SGCD: variants seen among roughly 807,000 people sequenced by gnomAD.
SGCD encodes the protein sarcoglycan delta.
SGCD carries 18 observed loss-of-function variants against 36.6 expected under a neutral mutation model. The ratio of observed to expected loss-of-function variants is 0.49; its 90% CI spans 0.34 to 0.73. SGCD has a LOEUF of 0.73. SGCD is among the 30% of genes least tolerant of loss of function. The probability of loss-of-function intolerance (pLI) is 0.01; values close to 1 mark genes in which losing one functional copy is unlikely to be tolerated. For missense variants in SGCD, 387 were observed against 346.7 expected (o/e 1.12, Z -0.92); for synonymous variants, 133 against 130.6 (o/e 1.02, Z -0.12).
chr5:156,202,121 G>A (rs1415177277), intron 3 of SGCD, among the ~76,000 whole-genome samples: 1 of 152,172 alleles, frequency 6.6e-6, no homozygotes, highest in African/African-American at 2.4e-5. Context: ...TTTGTTGGAG[G>A]GAAGATAACC....
Position 156,246,129 on chromosome 5 carries a change from T to G in SGCD, c.-43-83405T>G, listed in dbSNP as rs558182822. Reference sequence around the variant, plus strand: ...GGTTTGTCTCTATTGTCTGTAAGAGTGAGGATTATCAGCTCCTTGCTGTTA... The same window carrying G: ...GGTTTGTCTCTATTGTCTGTAAGAGGGAGGATTATCAGCTCCTTGCTGTTA... On this transcript the variant is annotated intron_variant, in intron 3 of 9. Transcript: ENST00000517913. Among the ~76,000 whole-genome samples the G allele has an allele frequency of 2.0e-5, 3 of 152,258 alleles. No individual in the cohort carries two copies. The South Asian group carries it at 6.2e-4, about 32-fold the overall frequency.
At chr5:156,741,878 T>C (rs1756693203) in intron 7 of SGCD, among the ~76,000 whole-genome samples, 1 of 151,972 alleles carries the variant, frequency 6.6e-6, no homozygotes, top group Non-Finnish European at 1.5e-5. Context: ...TCAGGTTTTT[T>C]TTTTTTTCTT....
intron 3 of SGCD, among the ~76,000 whole-genome samples, chr5:156,409,676 G>A (rs1354695021): frequency 1.3e-5 from 2 of 152,030 alleles, no homozygotes; most frequent in African/African-American, 4.8e-5. Context: ...TTTCCTAATA[G>A]GTAATAGAAA....
chr5:155,920,299 G>A (rs891783889), intron 1 of SGCD, among the ~76,000 whole-genome samples: 1 of 152,174 alleles, frequency 6.6e-6, no homozygotes, highest in African/African-American at 2.4e-5. Context: ...AGACTGTGGG[G>A]AAGAAGTCAA....
chr5:156,691,349 C>A (rs542994211), intron 7 of SGCD, among the ~76,000 whole-genome samples: 2 of 151,842 alleles, frequency 1.3e-5, no homozygotes, highest in African/African-American at 4.8e-5. Context: ...GGCCATAGTG[C>A]GAGACTCAAT....
intron 3 of SGCD, among the ~76,000 whole-genome samples, chr5:156,308,052 A>C (rs922271062): frequency 1.3e-5 from 2 of 152,188 alleles, no homozygotes; most frequent in Non-Finnish European, 2.9e-5. Flanking sequence ...AACTTTCCTA[A>C]TTTCCCTTGT....
At chr5:155,780,098 A>G in the SGCD span, among the ~76,000 whole-genome samples, 2 of 152,172 alleles carry the variant, frequency 1.3e-5, no homozygotes, top group Admixed American at 6.5e-5. Flanking sequence ...GATTTGGATG[A>G]TACGTCCATT....
At chr5:156,155,901 C>A (rs1021562537) in intron 3 of SGCD, among the ~76,000 whole-genome samples, 5 of 151,726 alleles carry the variant, frequency 3.3e-5, no homozygotes, top group African/African-American at 4.9e-5. Context: ...ACAGGCAGCA[C>A]ACCTCTGAGA....
At chr5:156,266,200 A>T (rs946453655) in intron 3 of SGCD, among the ~76,000 whole-genome samples, 1 of 152,238 alleles carries the variant, frequency 6.6e-6, no homozygotes, top group African/African-American at 2.4e-5. Flanking sequence ...GTAGTGCTGG[A>T]TAGGCTATTG....
intron 3 of SGCD, among the ~76,000 whole-genome samples, chr5:156,239,869 A>G (rs933472074): frequency 2.0e-5 from 3 of 152,102 alleles, no homozygotes; most frequent in Non-Finnish European, 2.9e-5. Context: ...AACAAAAACT[A>G]CTCTAGTAGT....
chr5:156,087,554 C>T (rs930457813), intron 1 of SGCD, among the ~76,000 whole-genome samples: 3 of 149,852 alleles, frequency 2.0e-5, no homozygotes, highest in Middle Eastern at 3.4e-3. Flanking sequence ...GCAGGAGAAT[C>T]GCTTGAACCT....
chr5:156,625,718 T>C (rs1246198855), intron 6 of SGCD, among the ~76,000 whole-genome samples: 1 of 152,198 alleles, frequency 6.6e-6, no homozygotes, highest in African/African-American at 2.4e-5. Context: ...GAGCACCTAT[T>C]ATGTGCAATC....
chr5:156,421,043 T>A (rs1478024884), intron 3 of SGCD, among the ~76,000 whole-genome samples: 1 of 152,030 alleles, frequency 6.6e-6, no homozygotes, highest in African/African-American at 2.4e-5. Context: ...TTAAATCAAA[T>A]GCTTATTTAG....
intron 3 of SGCD, among the ~76,000 whole-genome samples, chr5:156,500,775 G>A (rs994188064): frequency 3.9e-5 from 6 of 152,200 alleles, no homozygotes; most frequent in Non-Finnish European, 5.9e-5. Flanking sequence ...GCATGGGGCG[G>A]ATCCTGGAAC....
At chr5:155,734,845 A>C in the SGCD span, among the ~76,000 whole-genome samples, 1 of 152,152 alleles carries the variant, frequency 6.6e-6, no homozygotes, top group Non-Finnish European at 1.5e-5. Context: ...CTCAGCATAG[A>C]TATTGCTTCT....
chr5:156,001,726 A>T (rs1758668019), intron 1 of SGCD, among the ~76,000 whole-genome samples: 1 of 152,238 alleles, frequency 6.6e-6, no homozygotes, highest in Non-Finnish European at 1.5e-5. Context: ...TAAGAAGAAG[A>T]ATAGATGATT....
intron 1 of SGCD, among the ~76,000 whole-genome samples, chr5:156,034,972 T>C (rs1038950801): frequency 6.6e-6 from 1 of 152,212 alleles, no homozygotes; most frequent in African/African-American, 2.4e-5. Context: ...TGTGAACACC[T>C]TCTAATATCA....
At chr5:156,383,331 C>CT (rs1391267338) in intron 3 of SGCD, among the ~76,000 whole-genome samples, 1 of 152,046 alleles carries the variant, frequency 6.6e-6, no homozygotes, top group South Asian at 2.1e-4. Flanking sequence ...TGGTGAAACC[C>CT]TGTCTCTACT....
chr5:156,395,554 G>A (rs1771801959), intron 3 of SGCD, among the ~76,000 whole-genome samples: 1 of 152,158 alleles, frequency 6.6e-6, no homozygotes, highest in Admixed American at 6.5e-5. Context: ...GCTGCATTTT[G>A]TGGGACTCAG....
Sources: allele counts gnomAD v4.1 joint callset (sites outside exome capture counted in the v4.1 genomes callset), GRCh38; gene constraint gnomAD v4.1.1; transcripts MANE v1.5; gene names NCBI Gene and HGNC (gene_info 2026-07-23, HGNC 2026-07-21).